Variants in CFAP206 observed in about 807,000 individuals in gnomAD.
CFAP206 encodes the protein cilia and flagella associated protein 206.
CFAP206 carries 53 observed loss-of-function variants against 65.4 expected under a neutral mutation model. The observed-to-expected ratio is 0.81, with a 90% CI of 0.65 to 1.02. CFAP206 has a LOEUF of 1.02. Among genes scored for constraint, CFAP206 ranks in the 50% least tolerant of loss-of-function variants. CFAP206 has a pLI of 0.00. For synonymous variants in CFAP206, 250 were observed against 254.4 expected (o/e 0.98, Z 0.17); for missense variants, 663 against 753.2 (o/e 0.88, Z 1.40).
intron 11 of CFAP206, among the ~76,000 whole-genome samples, chr6:87,458,185 G>A (rs1768681861): frequency 6.6e-6 from 1 of 152,164 alleles, no homozygotes; most frequent in South Asian, 2.1e-4. Context: ...ATGCCGGTGA[G>A]GATATGGAGA....
intron 7 of CFAP206, among the ~76,000 whole-genome samples, chr6:87,422,772 A>T (rs1216592211): frequency 6.6e-6 from 1 of 151,588 alleles, no homozygotes; most frequent in Non-Finnish European, 1.5e-5. Flanking sequence ...AACAAAACAA[A>T]CAAAAAAACA....
At chr6:87,450,425 G>A (rs949578471) in intron 11 of CFAP206, among the ~76,000 whole-genome samples, 19 of 149,966 alleles carry the variant, frequency 1.3e-4, no homozygotes, top group Admixed American at 1.1e-3. Context: ...ACTTTTTAAT[G>A]TACCATTTCT....
chr6:87,412,350 G>A (rs962903549), intron 3 of CFAP206, among the ~76,000 whole-genome samples: 6 of 152,174 alleles, frequency 3.9e-5, no homozygotes, highest in African/African-American at 1.4e-4. Context: ...AAGCAGGGCT[G>A]GTGCTCAGGG....
At chr6:87,454,784 A>G (rs12178925) in intron 11 of CFAP206, among the ~76,000 whole-genome samples, 40,314 of 144,014 alleles carry the variant, frequency 0.28, 5,837 homozygotes, top group Admixed American at 0.37. Flanking sequence ...GGCAGAGGCT[A>G]CAGTGAGCTG....
At chr6:87,457,502 G>A (rs1768668286) in intron 11 of CFAP206, among the ~76,000 whole-genome samples, 1 of 152,132 alleles carries the variant, frequency 6.6e-6, no homozygotes, top group Admixed American at 6.5e-5. Flanking sequence ...AGATAACCCA[G>A]AAATAAATCC....
chr6:87,428,291 T>A (rs957959208), intron 8 of CFAP206, among the ~76,000 whole-genome samples: 2 of 77,468 alleles, frequency 2.6e-5, no homozygotes, highest in African/African-American at 1.1e-4. Context: ...CCTGGCCGTA[T>A]TTTTTTTTTT....
At chr6:87,422,499 C>T (rs184742193) in intron 7 of CFAP206, among the ~76,000 whole-genome samples, 21 of 149,092 alleles carry the variant, frequency 1.4e-4, no homozygotes, top group African/African-American at 5.2e-4. Flanking sequence ...CGCCTGTAAT[C>T]CCAGCACTTT....
At chr6:87,455,465 C>T (rs955431554) in intron 11 of CFAP206, among the ~76,000 whole-genome samples, 5 of 151,928 alleles carry the variant, frequency 3.3e-5, no homozygotes, top group Non-Finnish European at 7.4e-5. Flanking sequence ...GAGCAAACCA[C>T]AGCCAAAATT....
intron 11 of CFAP206, among the ~76,000 whole-genome samples, chr6:87,446,596 T>C (rs536138437): frequency 3.2e-4 from 48 of 152,310 alleles, no homozygotes; most frequent in African/African-American, 1.2e-3. Context: ...TTGGTTACTG[T>C]AGGCTGCAGT....
In CFAP206 at chr6:87,412,304, C is replaced by A. The variant is rs945513819; in HGVS notation, c.193-1506C>A. Among the ~76,000 whole-genome samples, 3 of 152,092 alleles carry A rather than the reference C, an allele frequency of 2.0e-5. No individual in the cohort carries two copies. In the South Asian group the frequency reaches 6.2e-4, roughly 31 times the overall value. The stretch of plus-strand genomic sequence containing the variant: ...CTTCTGCAAAGACATAGTGTCCAAT[C>A]CTCAGTCTTGCATTCTCCCCTCCCT... On this transcript the variant is annotated intron_variant, in intron 3 of 12. Transcript: ENST00000369562.
intron 7 of CFAP206, among the ~76,000 whole-genome samples, chr6:87,422,009 A>C (rs889413701): frequency 1.3e-5 from 2 of 152,242 alleles, no homozygotes; most frequent in Non-Finnish European, 2.9e-5. Flanking sequence ...AAGTATGAGG[A>C]ACTTATAAAA....
At chr6:87,451,451 G>A (rs1378915766) in intron 11 of CFAP206, among the ~76,000 whole-genome samples, 2 of 152,094 alleles carry the variant, frequency 1.3e-5, no homozygotes, top group African/African-American at 2.4e-5. Context: ...TGAAGGCAAG[G>A]ACCCAGTTTT....
intron 7 of CFAP206, among the ~76,000 whole-genome samples, chr6:87,422,198 C>T (rs1767952647): frequency 6.6e-6 from 1 of 152,048 alleles, no homozygotes. Context: ...CCTGTAATCC[C>T]AGCACTTTGG....
At chr6:87,453,643 G>A (rs1217507999) in intron 11 of CFAP206, among the ~76,000 whole-genome samples, 1 of 152,004 alleles carries the variant, frequency 6.6e-6, no homozygotes, top group Non-Finnish European at 1.5e-5. Flanking sequence ...GCTTGTTTTT[G>A]CAATCAGAGT....
At chr6:87,428,222 A>G (rs187580817) in intron 8 of CFAP206, among the ~76,000 whole-genome samples, 110 of 151,488 alleles carry the variant, frequency 7.3e-4, no homozygotes, top group Admixed American at 2.6e-3. Flanking sequence ...TCCTGCCCTC[A>G]GGTGATCCGC....
intron 11 of CFAP206, 93 bp from the exon 12 acceptor site, chr6:87,460,929 T>G (rs1768734183): frequency 1.1e-5 from 12 of 1,098,044 alleles, no homozygotes; most frequent in Non-Finnish European, 1.3e-5. Flanking sequence ...TATTGTTTTT[T>G]AAGTGTTTTG....
chr6:87,447,207 C>G (rs569179643), intron 11 of CFAP206, among the ~76,000 whole-genome samples: 3 of 152,172 alleles, frequency 2.0e-5, no homozygotes, highest in East Asian at 1.9e-4. Flanking sequence ...CTGCCCTGTC[C>G]AGAACTTCCA....
At chr6:87,450,602 C>G (rs1582149930) in intron 11 of CFAP206, among the ~76,000 whole-genome samples, 1 of 146,998 alleles carries the variant, frequency 6.8e-6, no homozygotes, top group East Asian at 2.0e-4. Flanking sequence ...TTTCACCCTT[C>G]AAATTACCAC....
chr6:87,447,946 TTTTC>T (rs1768471324), intron 11 of CFAP206, among the ~76,000 whole-genome samples: 1 of 144,306 alleles, frequency 6.9e-6, no homozygotes, highest in Admixed American at 7.3e-5. Context: ...TTCTTCTAGA[TTTTC>T]TTTATTATTA....
Sources: gnomAD v4.1 joint callset for allele counts (sites outside exome capture counted in the v4.1 genomes callset) on GRCh38, gnomAD v4.1.1 for gene constraint, MANE v1.5 for transcripts, NCBI Gene and HGNC (gene_info 2026-07-23, HGNC 2026-07-21) for gene names.